The following GATA4 variants were observed in gnomAD, a reference collection of about 807,000 sequenced individuals.
GATA4 encodes the protein GATA binding protein 4.
Under a neutral mutation model 37.9 loss-of-function variants are expected in GATA4, and 7 were observed. That is an observed-to-expected ratio of 0.18 (90% CI 0.11 to 0.35). The LOEUF (loss-of-function observed/expected upper bound fraction) is 0.35. Ranked by LOEUF, GATA4 falls within the 10% of genes least tolerant of loss-of-function variation. The probability of loss-of-function intolerance (pLI) is 1.00; values close to 1 mark genes in which losing one functional copy is unlikely to be tolerated. For missense variants in GATA4, 647 were observed against 653.0 expected, an observed-to-expected ratio of 0.99 and a Z score of 0.10; for synonymous variants, 372 against 292.6, an observed-to-expected ratio of 1.27 and a Z score of -2.77.
At chr8:11,734,556 G>A (rs1403049668) in intron 2 of GATA4, among the ~76,000 whole-genome samples, 3 of 152,068 alleles carry the variant, frequency 2.0e-5, no homozygotes, top group Admixed American at 6.6e-5. Context: ...GCGCAACCTC[G>A]GCTCACTGCA....
At position 11,681,489 on chromosome 8, in the gene GATA4, T is replaced by G; in HGVS notation, c.-274+4426T>G. 3.7e-5 allele frequency: 26 copies of G among 708,472 alleles called. No homozygotes were observed. The African/African-American group carries it at 4.5e-4, about 12-fold the overall frequency. 43.9% of individuals were successfully genotyped at this position (708,472 alleles called of 1,614,324 possible). On this transcript the variant is annotated intron_variant, in intron 1 of 6. Coordinates refer to the GATA4 transcript ENST00000528712. ...CCGGTCCCCGCGCGGGGTGCGGCGC[T>G]CGCGGGGGGGGGGGGGGGGATGGGG...
chr8:11,717,843 C>T (rs1800503915), intron 2 of GATA4, among the ~76,000 whole-genome samples: 1 of 152,194 alleles, frequency 6.6e-6, no homozygotes, highest in African/African-American at 2.4e-5. Flanking sequence ...TTAGGAATCC[C>T]AGTGTTGCAC....
intron 1 of GATA4, among the ~76,000 whole-genome samples, chr8:11,682,087 C>T (rs1325224856): frequency 1.3e-5 from 2 of 152,192 alleles, no homozygotes; most frequent in East Asian, 1.9e-4. Context: ...ATTTTATTTG[C>T]CTTTAATAAA....
chr8:11,758,316 T>C lies in GATA4; in HGVS notation c.1173T>C (p.Ser391=). ...AGACGTTCTCAGTCAGTGCGATGTCTGGCCATGGGCCCTCCATCCACCCTG... is the reference window on the plus strand; with the variant it reads ...AGACGTTCTCAGTCAGTGCGATGTCCGGCCATGGGCCCTCCATCCACCCTG... ...VSQTFSVSAM[S]GHGPSIHPVL... The change falls in exon 7 of 7, where the codon TCT becomes TCC. Residue 391 remains serine (S), a synonymous_variant. Transcript: ENST00000532059. The C allele has an allele frequency of 6.2e-7, 1 of 1,614,190 alleles. No homozygotes were observed. The highest frequency in any genetic ancestry group is 8.5e-7 in the Non-Finnish European group (1 of 1,180,042).
rs1451223918 is a variant in GATA4 at position 11,749,109 on chromosome 8, C to T, written c.786+24C>T. 5 of 1,612,498 alleles carry T rather than the reference C, an allele frequency of 3.1e-6. No individual in the cohort carries two copies. The East Asian group carries it at 6.7e-5, about 22-fold the overall frequency. ...TGGTAAGCACGTGCCTCGCAGCCTC[C>T]TCTGGGCACCTGGCTGCGGAGCTCT... On this transcript the variant is annotated intron_variant, in intron 3 of 6. Transcript: ENST00000532059. The surrounding 1 kb of genome is among the most constrained non-coding windows in gnomAD (Gnocchi z 4.6).
intron 4 of GATA4, among the ~76,000 whole-genome samples, chr8:11,752,723 T>C (rs950004601): frequency 8.5e-5 from 13 of 152,228 alleles, no homozygotes; most frequent in Non-Finnish European, 1.9e-4. Flanking sequence ...TGGGATAGGA[T>C]TGACGGTAGT....
chr8:11,698,112 C>G, intron 1 of GATA4: 1 of 637,988 alleles, frequency 1.6e-6, no homozygotes, highest in Non-Finnish European at 2.0e-6. Flanking sequence ...CCAGGAGGTC[C>G]TGGCCTCTCT....
At chr8:11,750,294 C>G in intron 4 of GATA4, 58 bp downstream of exon 4, 3 of 1,602,210 alleles carry the variant, frequency 1.9e-6, no homozygotes, top group Admixed American at 3.3e-5. Flanking sequence ...TCTCTCAGTC[C>G]TCCCTTGTCT....
intron 2 of GATA4, among the ~76,000 whole-genome samples, chr8:11,720,455 C>G (rs572904621): frequency 1.2e-3 from 180 of 152,136 alleles, no homozygotes; most frequent in African/African-American, 4.1e-3. Context: ...TTCTTTTTAC[C>G]TTTTATTTTA....
chr8:11,741,904 G>T (rs1331325253), intron 2 of GATA4, among the ~76,000 whole-genome samples: 1 of 152,202 alleles, frequency 6.6e-6, no homozygotes, highest in African/African-American at 2.4e-5. Flanking sequence ...TGGGGAAGGG[G>T]TCAGGGATGG....
At chr8:11,741,489 CAA>C (rs1038772720) in intron 2 of GATA4, among the ~76,000 whole-genome samples, 4 of 151,314 alleles carry the variant, frequency 2.6e-5, no homozygotes, top group South Asian at 2.1e-4. Context: ...AAAAAACAAA[CAA>C]ACAAAAAAAG....
At chr8:11,718,602 G>A (rs1191959867) in intron 2 of GATA4, among the ~76,000 whole-genome samples, 2 of 152,198 alleles carry the variant, frequency 1.3e-5, no homozygotes, top group Non-Finnish European at 2.9e-5. Flanking sequence ...GTTTTCCTTT[G>A]TACTCAAGCT....
intron 2 of GATA4, among the ~76,000 whole-genome samples, chr8:11,719,134 G>C (rs918335350): frequency 2.0e-5 from 3 of 151,974 alleles, no homozygotes; most frequent in African/African-American, 7.2e-5. Context: ...AGCTTGGGTT[G>C]AAATTGTGTC....
At chr8:11,728,006 T>A (rs994399598) in intron 2 of GATA4, among the ~76,000 whole-genome samples, 1 of 152,238 alleles carries the variant, frequency 6.6e-6, no homozygotes, top group African/African-American at 2.4e-5. Flanking sequence ...TTTATTTATT[T>A]AGAGATGGAG....
chr8:11,679,894 C>T (rs1219644886), intron 1 of GATA4, among the ~76,000 whole-genome samples: 1 of 152,164 alleles, frequency 6.6e-6, no homozygotes, highest in Admixed American at 6.5e-5. Flanking sequence ...TGTTAACTGG[C>T]CATGAATTTT....
intron 2 of GATA4, among the ~76,000 whole-genome samples, chr8:11,720,491 G>T (rs993692162): frequency 5.9e-5 from 9 of 152,094 alleles, no homozygotes; most frequent in African/African-American, 1.9e-4. Flanking sequence ...GTGAAGGTTT[G>T]TTACATAGGT....
At chr8:11,678,654 G>A (rs866142728) in intron 1 of GATA4, among the ~76,000 whole-genome samples, 1 of 152,224 alleles carries the variant, frequency 6.6e-6, no homozygotes, top group Non-Finnish European at 1.5e-5. Flanking sequence ...TTAAGTAGTA[G>A]TAGCAGTAGT....
chr8:11,723,999 G>A (rs1370740674), intron 2 of GATA4, among the ~76,000 whole-genome samples: 2 of 152,084 alleles, frequency 1.3e-5, no homozygotes, highest in African/African-American at 2.4e-5. Flanking sequence ...GCCTCAGGCA[G>A]CCCCCATTGT....
At position 11,709,593 on chromosome 8, in the gene GATA4, C is replaced by G. The variant is rs545136335; in HGVS notation, c.616+665C>G. Among the ~76,000 whole-genome samples the G allele has an allele frequency of 1.4e-5, 2 of 141,936 alleles. No homozygotes were observed. The highest frequency in any genetic ancestry group is 3.0e-5 in the Non-Finnish European group (2 of 65,832). 93.1% of individuals were successfully genotyped at this position (141,936 alleles called of 152,430 possible). A position where few individuals can be genotyped will look rare whatever the true frequency, so the allele number is the denominator to read the frequency against. On this transcript the variant is annotated intron_variant, in intron 2 of 6. Transcript: ENST00000532059. The surrounding 1 kb of genome is among the most constrained non-coding windows in gnomAD (Gnocchi z 4.3). ...CGGGCAGCGGGGGGGGGGGCGCACACGCCCGGTCAGTGTCCGGGAACATAG... is the reference window on the plus strand; with the variant it reads ...CGGGCAGCGGGGGGGGGGGCGCACAGGCCCGGTCAGTGTCCGGGAACATAG...
Sources: allele counts gnomAD v4.1 joint callset (sites outside exome capture counted in the v4.1 genomes callset), GRCh38; gene constraint gnomAD v4.1.1; non-coding constraint Gnocchi (gnomAD v3.1); transcripts MANE v1.5; gene names NCBI Gene and HGNC (gene_info 2026-07-23, HGNC 2026-07-21).